Variants in SLC35F3 observed in about 807,000 individuals in gnomAD.
The protein encoded by SLC35F3 is putative thiamine transporter SLC35F3.
SLC35F3 carries 25 observed loss-of-function variants against 49.9 expected under a neutral mutation model. The observed-to-expected ratio is 0.50, with a 90% CI of 0.37 to 0.70. The LOEUF (loss-of-function observed/expected upper bound fraction) is 0.70, where lower values mean the gene tolerates loss of function less well. Ranked by LOEUF, SLC35F3 falls within the 30% of genes least tolerant of loss-of-function variation. The probability of loss-of-function intolerance (pLI) is 0.00; values close to 1 mark genes in which losing one functional copy is unlikely to be tolerated. For synonymous variants in SLC35F3, 275 were observed against 265.4 expected (o/e 1.04, Z -0.35); for missense variants, 525 against 639.8 (o/e 0.82, Z 1.94).
intron 3 of SLC35F3, among the ~76,000 whole-genome samples, chr1:234,254,176 G>A (rs1183043544): frequency 2.6e-5 from 4 of 152,162 alleles, no homozygotes; most frequent in Non-Finnish European, 5.9e-5. Context: ...TTGTCTGTGG[G>A]CTGGTTCATT....
chr1:234,144,043 G>T (rs903960929), intron 2 of SLC35F3, among the ~76,000 whole-genome samples: 1 of 152,108 alleles, frequency 6.6e-6, no homozygotes, highest in Non-Finnish European at 1.5e-5. Flanking sequence ...CTGCCACTGC[G>T]CAGTGAAGGA....
chr1:233,904,929 G>T lies in SLC35F3; in HGVS notation c.-149G>T. ...GCTCGGGTACAGACCGCGCGGGCGCGCACAAAGCGGCCCGGGGCGGCCGGC... is the reference window on the plus strand; with the variant it reads ...GCTCGGGTACAGACCGCGCGGGCGCTCACAAAGCGGCCCGGGGCGGCCGGC... On this transcript the variant is annotated 5_prime_UTR_variant, in exon 1 of 8. Transcript: ENST00000366618. The T allele has an allele frequency of 2.5e-6, 2 of 807,176 alleles. No homozygotes were observed. Among genetic ancestry groups the T allele is most frequent in the East Asian group, 6.6e-5 (2 of 30,270 alleles). 50.0% of individuals were successfully genotyped at this position (807,176 alleles called of 1,614,324 possible).
chr1:234,179,116 C>CTCTGTT (rs781002910), intron 2 of SLC35F3, among the ~76,000 whole-genome samples: 6 of 152,312 alleles, frequency 3.9e-5, no homozygotes, highest in South Asian at 4.1e-4. Flanking sequence ...TCCTTCACGA[C>CTCTGTT]TCTGTTTCTT....
chr1:234,193,457 G>A (rs1170953345), intron 2 of SLC35F3, among the ~76,000 whole-genome samples: 3 of 152,154 alleles, frequency 2.0e-5, no homozygotes, highest in African/African-American at 7.2e-5. Flanking sequence ...AATGGATCAA[G>A]GAACTAAATC....
rs369093444 is a variant in SLC35F3 at position 234,004,108 on chromosome 1, C to G, written c.283+98350C>G. Reference sequence around the variant, plus strand: ...AAAGTGAGTTTTAAAATATCTGTCCCAGAGAAATGCAAACATAGATCCACG... The same window carrying G: ...AAAGTGAGTTTTAAAATATCTGTCCGAGAGAAATGCAAACATAGATCCACG... On this transcript the variant is annotated intron_variant, in intron 2 of 7. Transcript: ENST00000366618. Among the ~76,000 whole-genome samples, 7 of 152,180 alleles carry G rather than the reference C, an allele frequency of 4.6e-5. No individual in the cohort carries two copies. The East Asian group carries it at 1.4e-3, about 29-fold the overall frequency.
intron 3 of SLC35F3, among the ~76,000 whole-genome samples, chr1:234,282,701 C>T (rs375201912): frequency 1.3e-5 from 2 of 152,296 alleles, no homozygotes; most frequent in South Asian, 4.1e-4. Context: ...TCAAAAGCTC[C>T]CCTCACTTCT....
At chr1:234,068,881 A>AT (rs1344775182) in intron 2 of SLC35F3, among the ~76,000 whole-genome samples, 1 of 122,548 alleles carries the variant, frequency 8.2e-6, no homozygotes, top group South Asian at 2.5e-4. Flanking sequence ...TATTTTACAT[A>AT]TTTTTTATAT....
intron 2 of SLC35F3, among the ~76,000 whole-genome samples, chr1:234,164,487 G>A (rs1666282678): frequency 6.6e-6 from 1 of 151,824 alleles, no homozygotes; most frequent in Non-Finnish European, 1.5e-5. Flanking sequence ...CTTGTGAGTA[G>A]CAGCTGAGCA....
chr1:234,102,786 G>A (rs1001170603), intron 2 of SLC35F3, among the ~76,000 whole-genome samples: 26 of 152,164 alleles, frequency 1.7e-4, no homozygotes, highest in South Asian at 2.1e-4. Flanking sequence ...CTTTCCACGC[G>A]AAGATTCCAA....
At chr1:234,176,406 G>A (rs1184326771) in intron 2 of SLC35F3, among the ~76,000 whole-genome samples, 2 of 152,156 alleles carry the variant, frequency 1.3e-5, no homozygotes, top group Admixed American at 6.5e-5. Flanking sequence ...TCTTTGATGC[G>A]ATGCTGTGAA....
At position 234,124,229 on chromosome 1, in the gene SLC35F3, A is replaced by C. The variant is rs546391154; in HGVS notation, c.284-107188A>C. 1.1e-4 allele frequency among the ~76,000 whole-genome samples: 16 copies of C among 152,350 alleles called. No individual in the cohort carries two copies. The South Asian group carries it at 2.9e-3, about 28-fold the overall frequency. On this transcript the variant is annotated intron_variant, in intron 2 of 7. Transcript: ENST00000366618. The stretch of plus-strand genomic sequence containing the variant: ...AGCAGTGCTCTCCTAGCCAGTTCCC[A>C]AACGCCTTCTAGGTAACTCGGTCCT...
chr1:234,113,616 C>A (rs1245386972), intron 2 of SLC35F3, among the ~76,000 whole-genome samples: 1 of 152,130 alleles, frequency 6.6e-6, no homozygotes, highest in Non-Finnish European at 1.5e-5. Context: ...GTAATCCCAG[C>A]ACTTTGGGAG....
At chr1:234,221,439 G>T (rs1240697423) in intron 2 of SLC35F3, among the ~76,000 whole-genome samples, 1 of 152,170 alleles carries the variant, frequency 6.6e-6, no homozygotes, top group Non-Finnish European at 1.5e-5. Context: ...GCTTTGAAAA[G>T]GAACAGAGAA....
intron 2 of SLC35F3, among the ~76,000 whole-genome samples, chr1:233,995,316 G>A (rs1285049393): frequency 6.6e-6 from 1 of 152,202 alleles, no homozygotes; most frequent in Non-Finnish European, 1.5e-5. Flanking sequence ...TTCTGAATGA[G>A]GGCAGAGAAT....
At chr1:233,964,070 G>A (rs933119758) in intron 2 of SLC35F3, among the ~76,000 whole-genome samples, 2 of 152,190 alleles carry the variant, frequency 1.3e-5, no homozygotes, top group African/African-American at 2.4e-5. Flanking sequence ...GCCTCTGGAA[G>A]GTCCTTGTCA....
chr1:234,038,887 C>A (rs893405000), intron 2 of SLC35F3, among the ~76,000 whole-genome samples: 10 of 152,172 alleles, frequency 6.6e-5, no homozygotes, highest in African/African-American at 1.9e-4. Flanking sequence ...TATGAAAGAC[C>A]AGCCTAGGTT....
intron 3 of SLC35F3, among the ~76,000 whole-genome samples, chr1:234,236,923 AATTAT>A (rs1313424402): frequency 2.5e-5 from 1 of 39,954 alleles, no homozygotes; most frequent in Non-Finnish European, 5.0e-5. Context: ...TTAAAAAAAA[AATTAT>A]ATATATATAT....
intron 2 of SLC35F3, among the ~76,000 whole-genome samples, chr1:234,080,428 G>A (rs751224703): frequency 5.9e-5 from 9 of 152,088 alleles, no homozygotes; most frequent in Non-Finnish European, 1.3e-4. Context: ...ACAAAAACAT[G>A]CATATGAATG....
chr1:233,977,976 C>T (rs546436288), intron 2 of SLC35F3, among the ~76,000 whole-genome samples: 9 of 152,264 alleles, frequency 5.9e-5, no homozygotes, highest in South Asian at 2.1e-4. Flanking sequence ...GGTTCAGAGA[C>T]GACAAGGGAT....
Sources: gnomAD v4.1 joint callset for allele counts (sites outside exome capture counted in the v4.1 genomes callset) on GRCh38, gnomAD v4.1.1 for gene constraint, MANE v1.5 for transcripts, NCBI Gene and HGNC (gene_info 2026-07-23, HGNC 2026-07-21) for gene names.